Variants in AGAP1 observed in about 807,000 individuals in gnomAD.
AGAP1 encodes the protein arf-GAP with GTPase, ANK repeat and PH domain-containing protein 1.
A neutral mutation model predicts 105.3 loss-of-function variants in AGAP1; 29 were observed. The observed-to-expected ratio is 0.28, with a 90% confidence interval of 0.21 to 0.38. The LOEUF is 0.38. Ranked by LOEUF, AGAP1 falls within the 10% of genes least tolerant of loss-of-function variation. AGAP1 has a pLI of 1.00. For synonymous variants in AGAP1, 509 were observed against 485.9 expected (o/e 1.05, Z -0.63); for missense variants, 998 against 1,165.1 (o/e 0.86, Z 2.09).
chr2:236,109,465 AGAG>A lies in AGAP1; in HGVS notation c.2115-10721_2115-10719del, dbSNP rs974665630. On this transcript the variant is annotated intron_variant, in intron 16 of 17. Coordinates refer to ENST00000304032, the MANE Select transcript of AGAP1 (RefSeq NM_001037131.3). This position sits in a 1 kb window ranked among gnomAD's most constrained non-coding sequence, Gnocchi z 5.4. ...TTATAGATAGTTTTGATAGGGAAGAAGAGGAGGAAGGAAAAACTGAGATGATCT... is the reference window on the plus strand; with the variant it reads ...TTATAGATAGTTTTGATAGGGAAGAAGAGGAAGGAAAAACTGAGATGATCT... 1.2e-4 allele frequency among the ~76,000 whole-genome samples: 19 copies of A among 152,324 alleles called. No individual in the cohort carries two copies. The highest frequency in any genetic ancestry group is 3.4e-3 in the Middle Eastern group (1 of 294).
At chr2:235,821,584 T>A (rs1958791928) in intron 9 of AGAP1, among the ~76,000 whole-genome samples, 1 of 152,110 alleles carries the variant, frequency 6.6e-6, no homozygotes, top group Non-Finnish European at 1.5e-5. Context: ...GAAAGAAATT[T>A]GCAAAAAATA....
chr2:236,046,820 G>A lies in AGAP1; in HGVS notation c.1892-2239G>A, dbSNP rs372797891. 1.1e-3 allele frequency among the ~76,000 whole-genome samples: 168 copies of A among 152,236 alleles called. 6 individuals carry two copies. In the South Asian group the frequency reaches 0.033, roughly 30 times the overall value. ...AGTGGGGAAAAAATCCAGAGAGGTCGTTGACCAAAAAGGTATCAGAAGTTA... is the reference window on the plus strand; with the variant it reads ...AGTGGGGAAAAAATCCAGAGAGGTCATTGACCAAAAAGGTATCAGAAGTTA... On this transcript the variant is annotated intron_variant, in intron 15 of 17. Coordinates refer to ENST00000304032, the MANE Select transcript of AGAP1 (RefSeq NM_001037131.3). The surrounding 1 kb of genome is among the most constrained non-coding windows in gnomAD (Gnocchi z 5.2).
At chr2:236,099,268 G>A (rs889266745) in intron 16 of AGAP1, among the ~76,000 whole-genome samples, 1 of 151,998 alleles carries the variant, frequency 6.6e-6, no homozygotes, top group South Asian at 2.1e-4. Flanking sequence ...CTGACTAACA[G>A]GGTGAAACCC....
rs909486089 is a variant in AGAP1 at position 235,908,567 on chromosome 2, A to G, written c.1156-171A>G. ...GCAAAACTCTGATTTAAATATAATAATGATGTTACCAGTACTCTATAGATA... is the reference window on the plus strand; with the variant it reads ...GCAAAACTCTGATTTAAATATAATAGTGATGTTACCAGTACTCTATAGATA... On this transcript the variant is annotated intron_variant, in intron 10 of 17. Coordinates refer to ENST00000304032, the MANE Select transcript of AGAP1 (RefSeq NM_001037131.3). This position sits in a 1 kb window ranked among gnomAD's most constrained non-coding sequence, Gnocchi z 4.4. 2.0e-5 allele frequency among the ~76,000 whole-genome samples: 3 copies of G among 152,134 alleles called. No homozygotes were observed. Among genetic ancestry groups the G allele is most frequent in the African/African-American group, 4.8e-5 (2 of 41,428 alleles).
chr2:235,838,446 T>A (rs1960425384), intron 9 of AGAP1, among the ~76,000 whole-genome samples: 1 of 152,228 alleles, frequency 6.6e-6, no homozygotes, highest in African/African-American at 2.4e-5. Context: ...TTATTCCTCC[T>A]TAGAATTTTT....
At chr2:235,818,918 G>T (rs1317724650) in intron 9 of AGAP1, among the ~76,000 whole-genome samples, 1 of 152,140 alleles carries the variant, frequency 6.6e-6, no homozygotes, top group African/African-American at 2.4e-5. Flanking sequence ...AGTACACAGT[G>T]TACTTTCCTG....
At chr2:235,984,628 G>C (rs372995212) in intron 13 of AGAP1, among the ~76,000 whole-genome samples, 1 of 151,984 alleles carries the variant, frequency 6.6e-6, no homozygotes, top group African/African-American at 2.4e-5. Context: ...ACAGGCCCTG[G>C]TGTGTATTGT....
rs1030945322 is a variant in AGAP1 at position 235,586,607 on chromosome 2, T to G, written c.163+91758T>G. Among the ~76,000 whole-genome samples the G allele has an allele frequency of 1.3e-5, 2 of 152,180 alleles. No individual in the cohort carries two copies. Among genetic ancestry groups the G allele is most frequent in the African/African-American group, 4.8e-5 (2 of 41,448 alleles). On this transcript the variant is annotated intron_variant, in intron 1 of 17. Transcript: ENST00000304032. This position sits in a 1 kb window ranked among gnomAD's most constrained non-coding sequence, Gnocchi z 4.2. ...GCCCTTGCAGGCTGAGGTCTCTTGG[T>G]GATAATCCACACACTGTCCTGGGCC...
intron 1 of AGAP1, among the ~76,000 whole-genome samples, chr2:235,603,195 GA>G (rs1158729750): frequency 5.3e-5 from 8 of 152,174 alleles, no homozygotes; most frequent in African/African-American, 1.9e-4. Flanking sequence ...TTCATAAGGG[GA>G]AACCCCTTTT....
intron 9 of AGAP1, among the ~76,000 whole-genome samples, chr2:235,848,102 A>G (rs186439036): frequency 6.6e-6 from 1 of 152,112 alleles, no homozygotes; most frequent in East Asian, 1.9e-4. Flanking sequence ...CACCGGTTAC[A>G]CTCTCTGTCA....
At chr2:235,892,301 C>T (rs2050583021) in intron 10 of AGAP1, among the ~76,000 whole-genome samples, 1 of 152,132 alleles carries the variant, frequency 6.6e-6, no homozygotes, top group Non-Finnish European at 1.5e-5. Flanking sequence ...AAGAGCTTTT[C>T]TTCTTTTCAT....
At chr2:235,538,631 G>A (rs1244997861) in intron 1 of AGAP1, among the ~76,000 whole-genome samples, 1 of 152,012 alleles carries the variant, frequency 6.6e-6, no homozygotes, top group East Asian at 1.9e-4. Context: ...CTCCGCCACG[G>A]AGACTGCTTA....
rs59007077 is a variant in AGAP1 at position 236,047,598 on chromosome 2, C to CTTTTTTTTTTTTTTTT, written c.1892-1454_1892-1439dup. Among the ~76,000 whole-genome samples, 62 of 68,290 alleles carry CTTTTTTTTTTTTTTTT rather than the reference C, an allele frequency of 9.1e-4. 3 individuals are homozygous for CTTTTTTTTTTTTTTTT. Among genetic ancestry groups the CTTTTTTTTTTTTTTTT allele is most frequent in the East Asian group, 3.0e-3 (5 of 1,680 alleles). 44.8% of individuals were successfully genotyped at this position (68,290 alleles called of 152,430 possible). A position where few individuals can be genotyped will look rare whatever the true frequency, so the allele number is the denominator to read the frequency against. ...GTCACAGACCTCTCTTCTCACATTT[C>CTTTTTTTTTTTTTTTT]TTTTTTTTTTTTTTTTTTTTTTGAG... On this transcript the variant is annotated intron_variant, in intron 15 of 17. Coordinates refer to ENST00000304032, the MANE Select transcript of AGAP1 (RefSeq NM_001037131.3).
intron 1 of AGAP1, among the ~76,000 whole-genome samples, chr2:235,707,475 C>CA (rs1189739265): frequency 1.7e-5 from 1 of 57,620 alleles, no homozygotes; most frequent in African/African-American, 8.1e-5. Context: ...CCCCATGACC[C>CA]CCCCCCCCCC....
At chr2:236,088,242 G>A (rs575652816) in intron 16 of AGAP1, among the ~76,000 whole-genome samples, 1 of 152,310 alleles carries the variant, frequency 6.6e-6, no homozygotes, top group Admixed American at 6.5e-5. Context: ...AGAGGCCAGC[G>A]CTGTTTTCAT....
chr2:235,822,988 G>A (rs1267828365), intron 9 of AGAP1, among the ~76,000 whole-genome samples: 2 of 152,108 alleles, frequency 1.3e-5, no homozygotes, highest in Non-Finnish European at 2.9e-5. Context: ...GGTGTGGCTC[G>A]CTGTTTAGGT....
rs2059099338 is a variant in AGAP1, at chr2:236,092,872, G to C, written c.2115-27320G>C. Among the ~76,000 whole-genome samples, 1 of 152,202 alleles carries C rather than the reference G, an allele frequency of 6.6e-6. No individual in the cohort carries two copies. Among genetic ancestry groups the C allele is most frequent in the South Asian group, 2.1e-4 (1 of 4,836 alleles). The stretch of plus-strand genomic sequence containing the variant: ...GAATGGCCCTGGAGCATCCTGCTGT[G>C]CCAGAAAGAAAGCACAGAGCTACCA... On this transcript the variant is annotated intron_variant, in intron 16 of 17. Transcript: ENST00000304032. The surrounding 1 kb of genome is among the most constrained non-coding windows in gnomAD (Gnocchi z 4.7).
At chr2:235,514,162 G>A (rs567258268) in intron 1 of AGAP1, among the ~76,000 whole-genome samples, 2 of 150,508 alleles carry the variant, frequency 1.3e-5, no homozygotes, top group Non-Finnish European at 3.0e-5. Context: ...GTGCGCGCGC[G>A]CACACACACA....
At chr2:235,589,402 T>C (rs1426003110) in intron 1 of AGAP1, among the ~76,000 whole-genome samples, 1 of 151,862 alleles carries the variant, frequency 6.6e-6, no homozygotes, top group Non-Finnish European at 1.5e-5. Flanking sequence ...AGATGGAGTG[T>C]CACCATTTTG....
Sources: allele counts gnomAD v4.1 joint callset (sites outside exome capture counted in the v4.1 genomes callset), GRCh38; gene constraint gnomAD v4.1.1; non-coding constraint Gnocchi (gnomAD v3.1); transcripts MANE v1.5; gene names NCBI Gene and HGNC (gene_info 2026-07-23, HGNC 2026-07-21).